MAMDC2: variants seen among roughly 807,000 people sequenced by gnomAD.
The protein encoded by MAMDC2 is MAM domain-containing protein 2.
Under a neutral mutation model 89.8 loss-of-function variants are expected in MAMDC2, and 57 were observed. The ratio of observed to expected loss-of-function variants is 0.63; its 90% CI spans 0.51 to 0.79. The LOEUF (loss-of-function observed/expected upper bound fraction) is 0.79. Ranked by LOEUF, MAMDC2 falls within the 30% of genes least tolerant of loss-of-function variation. The pLI, the probability that MAMDC2 is intolerant of heterozygous loss-of-function variation, is 0.00. For missense variants in MAMDC2, 800 were observed against 820.6 expected (o/e 0.97, Z 0.31); for synonymous variants, 313 against 293.4 (o/e 1.07, Z -0.68).
At chr9:70,065,847 C>T (rs1419808570) in intron 2 of MAMDC2, among the ~76,000 whole-genome samples, 1 of 152,070 alleles carries the variant, frequency 6.6e-6, no homozygotes, top group East Asian at 1.9e-4. Context: ...TTGTTTTTTC[C>T]ACCCTCCTAT....
chr9:70,173,147 C>A (rs996728373), intron 11 of MAMDC2, among the ~76,000 whole-genome samples: 3 of 152,120 alleles, frequency 2.0e-5, no homozygotes, highest in African/African-American at 7.2e-5. Flanking sequence ...TAGACAGGAT[C>A]TCCTGTCATG....
At chr9:70,111,559 T>C (rs1047352406) in intron 4 of MAMDC2, among the ~76,000 whole-genome samples, 2 of 152,252 alleles carry the variant, frequency 1.3e-5, no homozygotes, top group Non-Finnish European at 2.9e-5. Context: ...GAGCCTGGCA[T>C]ATTGAGGAAT....
intron 9 of MAMDC2, among the ~76,000 whole-genome samples, chr9:70,166,223 A>C: frequency 6.6e-6 from 1 of 150,748 alleles, no homozygotes; most frequent in East Asian, 1.9e-4. Context: ...CCTGGGCGAC[A>C]AGAGCAAAAC....
rs1170137042 is a variant in MAMDC2 at position 70,217,679 on chromosome 9, T to C, written c.1652-658T>C. 5.3e-6 allele frequency: 8 copies of C among 1,520,482 alleles called. No homozygotes were observed. The Admixed American group carries it at 1.4e-4, about 26-fold the overall frequency. The allele number at this position is 1,520,482 out of a possible 1,614,324, so 94.2% of individuals were successfully genotyped here. ...GGTGGAAAACGCTAAACTGGCAGAT[T>C]AGATTTTTAAATAAAGATTGGATTA... is the stretch of plus-strand genomic sequence containing the variant. On this transcript the variant is annotated intron_variant, in intron 11 of 13. Transcript: ENST00000377182.
At chr9:70,144,195 G>A (rs2031321165) in intron 9 of MAMDC2, among the ~76,000 whole-genome samples, 1 of 152,058 alleles carries the variant, frequency 6.6e-6, no homozygotes. Context: ...ACACACACTA[G>A]TGGGAATGCT....
At chr9:70,112,745 A>G (rs1587482028) in intron 4 of MAMDC2, among the ~76,000 whole-genome samples, 1 of 152,266 alleles carries the variant, frequency 6.6e-6, no homozygotes, top group East Asian at 1.9e-4. Flanking sequence ...GTGGTAAGTC[A>G]TGCTCCAAGT....
intron 2 of MAMDC2, chr9:70,092,715 A>G (rs1170700586): frequency 6.6e-6 from 1 of 152,152 alleles, no homozygotes; most frequent in Non-Finnish European, 1.5e-5. Context: ...GATCACAGCC[A>G]TTCTTCTTTG....
intron 11 of MAMDC2, among the ~76,000 whole-genome samples, chr9:70,184,020 G>T (rs2032698763): frequency 6.6e-6 from 1 of 152,110 alleles, no homozygotes; most frequent in Non-Finnish European, 1.5e-5. Flanking sequence ...AGCTGGTACT[G>T]GTTTTTCCTT....
intron 2 of MAMDC2, among the ~76,000 whole-genome samples, chr9:70,093,566 C>T (rs1298052594): frequency 1.4e-4 from 21 of 151,820 alleles, no homozygotes; most frequent in Non-Finnish European, 1.5e-5. Context: ...GCTGGGATTA[C>T]AGGCACCAAC....
At chr9:70,217,175 C>T in intron 11 of MAMDC2, 2 of 683,596 alleles carry the variant, frequency 2.9e-6, no homozygotes, top group South Asian at 1.6e-5. Context: ...CATCTTTTCT[C>T]TTCCCGTGGA....
chr9:70,189,909 T>C (rs982126955), intron 11 of MAMDC2, among the ~76,000 whole-genome samples: 1 of 152,192 alleles, frequency 6.6e-6, no homozygotes, highest in Non-Finnish European at 1.5e-5. Context: ...CATTATATTT[T>C]TCAAATCTGT....
At chr9:70,159,064 A>ACG in intron 9 of MAMDC2, among the ~76,000 whole-genome samples, 1 of 151,864 alleles carries the variant, frequency 6.6e-6, no homozygotes, top group African/African-American at 2.4e-5. Flanking sequence ...ACACACACAC[A>ACG]CACACACACA....
intron 7 of MAMDC2, among the ~76,000 whole-genome samples, chr9:70,136,018 G>T (rs1020829613): frequency 6.6e-6 from 1 of 152,068 alleles, no homozygotes; most frequent in African/African-American, 2.4e-5. Context: ...AGGCATGGTG[G>T]TGCATGCCTA....
chr9:70,144,796 A>G lies in MAMDC2; in HGVS notation c.1404+977A>G, dbSNP rs1197134350. On this transcript the variant is annotated intron_variant, in intron 9 of 13. Coordinates refer to ENST00000377182, the MANE Select transcript of MAMDC2 (RefSeq NM_153267.5). Reference sequence around the variant, plus strand: ...GGGGAACAGTAGAACCTGCACAGACATTCATAGCCCGAACTTCTCTTGGTT... The same window carrying G: ...GGGGAACAGTAGAACCTGCACAGACGTTCATAGCCCGAACTTCTCTTGGTT... 1.2e-4 allele frequency among the ~76,000 whole-genome samples: 18 copies of G among 152,202 alleles called. 1 individual carries two copies.
chr9:70,142,172 G>A (rs1365692652), intron 8 of MAMDC2, among the ~76,000 whole-genome samples: 1 of 152,144 alleles, frequency 6.6e-6, no homozygotes, highest in Non-Finnish European at 1.5e-5. Flanking sequence ...CAGGATTCAG[G>A]GAAATTTTCT....
At chr9:70,051,677 C>A (rs1826898691) in intron 2 of MAMDC2, among the ~76,000 whole-genome samples, 1 of 152,140 alleles carries the variant, frequency 6.6e-6, no homozygotes, top group South Asian at 2.1e-4. Flanking sequence ...ATAAGTAGAG[C>A]TAGCAGGTAG....
intron 11 of MAMDC2, among the ~76,000 whole-genome samples, chr9:70,217,964 T>G (rs990609613): frequency 6.6e-6 from 1 of 152,198 alleles, no homozygotes; most frequent in Non-Finnish European, 1.5e-5. Context: ...AACCCAGATC[T>G]ACCTGACTAC....
chr9:70,109,639 C>T, intron 3 of MAMDC2, 81 bp from the exon 4 acceptor site: 6 of 1,187,482 alleles, frequency 5.1e-6, no homozygotes, highest in Non-Finnish European at 6.2e-6. Context: ...TGAACAGCTC[C>T]AGACTAATAG....
At chr9:70,060,730 A>AAG (rs1313010722) in intron 2 of MAMDC2, 3 of 151,732 alleles carry the variant, frequency 2.0e-5, no homozygotes, top group African/African-American at 4.9e-5. Flanking sequence ...GAGAGAGAGA[A>AAG]AGAGAGAGAG....
Sources: allele counts gnomAD v4.1 joint callset (sites outside exome capture counted in the v4.1 genomes callset), GRCh38; gene constraint gnomAD v4.1.1; transcripts MANE v1.5; gene names NCBI Gene and HGNC (gene_info 2026-07-23, HGNC 2026-07-21).